The following CA8 variants were observed in gnomAD, a reference collection of about 807,000 sequenced individuals.
CA8 encodes carbonic anhydrase 8 (inactive).
CA8 carries 22 observed loss-of-function variants against 41.4 expected under a neutral mutation model. The observed-to-expected ratio is 0.53, with a 90% CI of 0.38 to 0.76. The LOEUF (loss-of-function observed/expected upper bound fraction) is 0.76, where lower values mean the gene tolerates loss of function less well. Ranked by LOEUF, CA8 falls within the 30% of genes least tolerant of loss-of-function variation. The probability of loss-of-function intolerance (pLI) is 0.00; values close to 1 mark genes in which losing one functional copy is unlikely to be tolerated. For synonymous variants in CA8, 121 were observed against 130.6 expected, an observed-to-expected ratio of 0.93 and a Z score of 0.50; for missense variants, 270 against 352.8, an observed-to-expected ratio of 0.77 and a Z score of 1.88.
At chr8:60,207,861 TCCTCCCA>T (rs1026990081) in intron 8 of CA8, among the ~76,000 whole-genome samples, 2 of 152,146 alleles carry the variant, frequency 1.3e-5, no homozygotes, top group African/African-American at 4.8e-5. Context: ...GCTCAAGTGA[TCCTCCCA>T]CCTCAGCCTC....
intron 8 of CA8, among the ~76,000 whole-genome samples, chr8:60,194,837 T>C (rs887939661): frequency 2.0e-5 from 3 of 152,178 alleles, no homozygotes; most frequent in Non-Finnish European, 4.4e-5. Flanking sequence ...TCTGTATCCT[T>C]GTGAGGCAAT....
chr8:60,245,015 C>T (rs1456205811), intron 3 of CA8, among the ~76,000 whole-genome samples: 2 of 152,084 alleles, frequency 1.3e-5, no homozygotes, highest in Non-Finnish European at 2.9e-5. Flanking sequence ...ATAACATCTA[C>T]CTTTAAGGAA....
intron 2 of CA8, among the ~76,000 whole-genome samples, chr8:60,277,097 C>T (rs545485693): frequency 1.1e-4 from 16 of 141,134 alleles, no homozygotes; most frequent in Non-Finnish European, 2.4e-4. Context: ...CCAGCCTAGG[C>T]GACAGAGCGA....
chr8:60,197,552 T>C (rs531821705), intron 8 of CA8, among the ~76,000 whole-genome samples: 1 of 152,282 alleles, frequency 6.6e-6, no homozygotes, highest in Admixed American at 6.5e-5. Context: ...AGTTATCAGT[T>C]AACGTTTTCA....
At chr8:60,206,833 T>G (rs958635291) in intron 8 of CA8, among the ~76,000 whole-genome samples, 2 of 152,130 alleles carry the variant, frequency 1.3e-5, no homozygotes, top group African/African-American at 4.8e-5. Context: ...CTTTTCAGAC[T>G]TCACTGCTCC....
At chr8:60,213,184 T>C (rs1488861485) in intron 7 of CA8, among the ~76,000 whole-genome samples, 1 of 152,244 alleles carries the variant, frequency 6.6e-6, no homozygotes, top group Admixed American at 6.5e-5. Context: ...GTCATGACTC[T>C]TTAATCGATC....
At chr8:60,279,977 T>C (rs1287538632) in intron 1 of CA8, 97 bp from the exon 2 acceptor site, 12 of 914,494 alleles carry the variant, frequency 1.3e-5, no homozygotes, top group Non-Finnish European at 2.0e-5. Flanking sequence ...CTTGATATCA[T>C]GAAGAGAGTA....
At chr8:60,213,110 T>C (rs958491947) in intron 7 of CA8, among the ~76,000 whole-genome samples, 1 of 152,198 alleles carries the variant, frequency 6.6e-6, no homozygotes, top group Non-Finnish European at 1.5e-5. Flanking sequence ...TATATAATGT[T>C]CTATCTAAAA....
chr8:60,275,883 G>A (rs74754541), intron 2 of CA8, among the ~76,000 whole-genome samples: 3,651 of 152,266 alleles, frequency 0.024, 127 homozygotes, highest in African/African-American at 0.082. Flanking sequence ...GAAGCAGAAC[G>A]GCGCTAGATC....
intron 3 of CA8, among the ~76,000 whole-genome samples, chr8:60,235,992 C>A (rs900987407): frequency 6.6e-6 from 1 of 152,042 alleles, no homozygotes; most frequent in South Asian, 2.1e-4. Context: ...AAAGTCCCAG[C>A]GAAAAAACTA....
At chr8:60,200,676 A>C (rs1398407492) in intron 8 of CA8, among the ~76,000 whole-genome samples, 3 of 152,164 alleles carry the variant, frequency 2.0e-5, no homozygotes, top group Non-Finnish European at 4.4e-5. Flanking sequence ...TAAATAGCTC[A>C]GATATTTAAA....
At chr8:60,228,772 A>T (rs1807533803) in intron 4 of CA8, among the ~76,000 whole-genome samples, 1 of 152,228 alleles carries the variant, frequency 6.6e-6, no homozygotes, top group Non-Finnish European at 1.5e-5. Flanking sequence ...CTACAGCATC[A>T]AATATAGTTT....
In CA8 at chr8:60,279,670, A is replaced by T. The variant is rs553201107; in HGVS notation, c.292+19T>A. 7 of 1,608,042 alleles carry T rather than the reference A, an allele frequency of 4.4e-6. No homozygotes were observed. In the East Asian group the frequency reaches 1.6e-4, roughly 36 times the overall value. On this transcript the variant is annotated intron_variant, in intron 2 of 8. Coordinates refer to ENST00000317995, the MANE Select transcript of CA8 (RefSeq NM_004056.6). ...GACTTCTAGTTTAAAAGACCACACA[A>T]ACATATTTTCTAAAATACCTGATTT...
At chr8:60,262,332 T>G (rs1472008528) in intron 3 of CA8, among the ~76,000 whole-genome samples, 21 of 83,026 alleles carry the variant, frequency 2.5e-4, no homozygotes, top group African/African-American at 8.4e-4. Context: ...GTTAGCAAAA[T>G]GGCAAAAAAA....
chr8:60,222,067 C>T (rs1186761420), intron 7 of CA8, among the ~76,000 whole-genome samples: 1 of 152,148 alleles, frequency 6.6e-6, no homozygotes, highest in Non-Finnish European at 1.5e-5. Context: ...TCGAGTGGCG[C>T]TGCCTCATGT....
intron 8 of CA8, among the ~76,000 whole-genome samples, chr8:60,196,067 G>A (rs1806271549): frequency 6.6e-6 from 1 of 152,096 alleles, no homozygotes; most frequent in Admixed American, 6.6e-5. Flanking sequence ...GAAAGAAGGA[G>A]ATAAAACTGT....
chr8:60,250,495 T>C (rs762942305), intron 3 of CA8, among the ~76,000 whole-genome samples: 3 of 152,140 alleles, frequency 2.0e-5, no homozygotes, highest in Admixed American at 2.0e-4. Context: ...CTCCACATTC[T>C]TCTTTCCCCA....
At chr8:60,215,280 T>A (rs947017749) in intron 7 of CA8, among the ~76,000 whole-genome samples, 30 of 152,100 alleles carry the variant, frequency 2.0e-4, no homozygotes, top group African/African-American at 5.8e-4. Context: ...TAGACGGTTG[T>A]TTATATTACA....
intron 4 of CA8, among the ~76,000 whole-genome samples, chr8:60,227,264 G>A (rs184290255): frequency 2.0e-5 from 3 of 152,044 alleles, no homozygotes; most frequent in East Asian, 3.9e-4. Flanking sequence ...CTGCACTCCA[G>A]CCTGGATGAC....
Sources: gnomAD v4.1 joint callset for allele counts (sites outside exome capture counted in the v4.1 genomes callset) on GRCh38, gnomAD v4.1.1 for gene constraint, MANE v1.5 for transcripts, NCBI Gene and HGNC (gene_info 2026-07-23, HGNC 2026-07-21) for gene names.